The following IGFN1 variants were observed in gnomAD, a reference collection of about 807,000 sequenced individuals.
IGFN1 encodes the protein immunoglobulin-like and fibronectin type III domain-containing protein 1.
In IGFN1, 253 loss-of-function variants were observed where a neutral mutation model predicts 289.5. The ratio of observed to expected loss-of-function variants is 0.87; its 90% CI spans 0.79 to 0.97. The LOEUF (loss-of-function observed/expected upper bound fraction) is 0.97, where lower values mean the gene tolerates loss of function less well. IGFN1 is among the 50% of genes least tolerant of loss of function. The pLI, the probability that IGFN1 is intolerant of heterozygous loss-of-function variation, is 0.00. For missense variants in IGFN1, 4,470 were observed against 4,686.1 expected, an observed-to-expected ratio of 0.95 and a Z score of 1.35; for synonymous variants, 1,706 against 1,788.5, an observed-to-expected ratio of 0.95 and a Z score of 1.16.
intron 7 of IGFN1, 111 bp from the exon 8 acceptor site, chr1:201,200,126 C>T (rs1014692027): frequency 3.0e-5 from 25 of 832,060 alleles, no homozygotes; most frequent in Non-Finnish European, 4.3e-5. Flanking sequence ...TCTGCGTTTC[C>T]TCGAGTGCAG....
At chr1:201,226,185 G>A (rs997036439) in intron 22 of IGFN1, 62 bp downstream of exon 22, 101 of 1,469,344 alleles carry the variant, frequency 6.9e-5, no homozygotes, top group Non-Finnish European at 8.8e-5. Flanking sequence ...AATGCAGTGG[G>A]ATGCACCCAA....
chr1:201,207,685 G>A lies in IGFN1; in HGVS notation c.2792G>A (p.Arg931Lys), dbSNP rs1455058379. 3.1e-5 allele frequency: 48 copies of A among 1,537,004 alleles called. No homozygotes were observed. The highest frequency in any genetic ancestry group is 7.8e-5 in the Admixed American group (4 of 50,982). ...PDFWNGSGSS[R>K]VKGPRGETGY... is the part of the protein sequence containing the mutation. ...TTCTGGAATGGGTCAGGGAGCTCCA[G>A]AGTAAAAGGACCCAGAGGTGAGACA... The change falls in exon 12 of 24, where the codon AGA (arginine) becomes AAA (lysine). Residue 931 changes from arginine (R) to lysine (K), a missense_variant. Physicochemically the swap from Arg to Lys is conservative, Grantham distance 26 (BLOSUM62 2). Coordinates refer to ENST00000335211, the MANE Select transcript of IGFN1 (RefSeq NM_001164586.2).
In IGFN1 at chr1:201,212,604, G is replaced by A. The variant is rs759044374; in HGVS notation, c.7711G>A (p.Gly2571Arg). 3.9e-6 allele frequency: 6 copies of A among 1,546,592 alleles called. No individual in the cohort carries two copies. The Admixed American group carries it at 7.9e-5, about 20-fold the overall frequency. The stretch of plus-strand genomic sequence containing the variant: ...CAGGGGTAGAGTTGCTGGCCAGGGG[G>A]GGTTGGCATCTCAGGGAGGTGGGGA... The part of the protein sequence containing the change: ...TDRGRVAGQG[G>R]LASQGGGDSL... The change falls in exon 12 of 24, where the codon GGG becomes AGG. Residue 2571 changes from glycine to arginine, a missense_variant. By Grantham distance (125) the Gly-to-Arg change is moderately radical. Transcript: ENST00000335211.
chr1:201,221,093 C>G (rs1653691346), intron 18 of IGFN1, among the ~76,000 whole-genome samples: 1 of 152,176 alleles, frequency 6.6e-6, no homozygotes, highest in African/African-American at 2.4e-5. Flanking sequence ...ACATGGAAGT[C>G]TAGTCATACG....
rs1176967323 is a variant in IGFN1, at chr1:201,200,366, C to T, written c.588C>T (p.Arg196=). 6.4e-7 allele frequency: 1 copy of T among 1,551,782 alleles called. No homozygotes were observed. The highest frequency in any genetic ancestry group is 8.7e-7 in the Non-Finnish European group (1 of 1,146,998). ...TCGTCGACTACCGTGGCATGTTGCG[C>T]AGGCTGCAGGAGATGAAGAAGGAAC... ...YGIVDYRGML[R]RLQEMKKEQE... The change falls in exon 8 of 24, where the codon CGC becomes CGT. Residue 196 remains arginine (R), a synonymous_variant. Transcript: ENST00000335211.
chr1:201,217,569 G>C (rs758295586), intron 17 of IGFN1, 109 bp downstream of exon 17: 14 of 1,090,044 alleles, frequency 1.3e-5, no homozygotes, highest in Non-Finnish European at 1.9e-5. Flanking sequence ...GTCTAGGGTG[G>C]TTTGGCAACG....
At chr1:201,202,211 GA>G (rs1364821054) in intron 9 of IGFN1, among the ~76,000 whole-genome samples, 1 of 152,180 alleles carries the variant, frequency 6.6e-6, no homozygotes, top group African/African-American at 2.4e-5. Flanking sequence ...CTGCCAACCA[GA>G]TGGGGGCAGA....
chr1:201,217,183 A>G, intron 16 of IGFN1, 104 bp from the exon 17 acceptor site: 1 of 979,612 alleles, frequency 1.0e-6, no homozygotes, highest in Non-Finnish European at 1.6e-6. Context: ...GACAGGGCGG[A>G]GTGTGGCCTG....
At chr1:201,197,470 C>T (rs12759657) in intron 5 of IGFN1, among the ~76,000 whole-genome samples, 153 bp downstream of exon 5, 37,223 of 152,192 alleles carry the variant, frequency 0.24, 6,097 homozygotes, top group Non-Finnish European at 0.37. Flanking sequence ...TGCTGGGCCC[C>T]GGGCTTCATC....
chr1:201,209,038 T>C lies in IGFN1; in HGVS notation c.4145T>C (p.Leu1382Ser). The change falls in exon 12 of 24, where the codon TTG becomes TCG. Residue 1382 changes from leucine (L) to serine (S), a missense_variant. Physicochemically the swap from Leu to Ser is moderately radical, Grantham distance 145 (BLOSUM62 -2). This residue lies in a region of IGFN1 where 2,011 missense variants were observed against 1,953.4 expected (regional missense o/e 1.03). Transcript: ENST00000335211. ...SMDETDNRKD[L>S]GVPEGMGAGY... ...GATGAAACAGATAATAGGAAAGATT[T>C]GGGGGTTCCTGAGGGAATGGGTGCA... The C allele has an allele frequency of 6.5e-7, 1 of 1,536,022 alleles. No individual in the cohort carries two copies. Among genetic ancestry groups the C allele is most frequent in the Middle Eastern group, 1.7e-4 (1 of 5,982 alleles).
In IGFN1 at chr1:201,208,002, G is replaced by C; in HGVS notation, c.3109G>C (p.Ala1037Pro). The C allele has an allele frequency of 1.3e-6, 2 of 1,536,906 alleles. No homozygotes were observed. ...GPAGGGSGRV[A>P]SLKNGSGGPD... ...TGCAGGAGGAGGGTCTGGGAGAGTT[G>C]CCAGTCTTAAAAATGGCTCAGGTGG... Residue 1037 changes from alanine to proline, a missense_variant, in exon 12 of 24, where the codon GCC becomes CCC. Physicochemically the swap from Ala to Pro is conservative, Grantham distance 27 (BLOSUM62 -1). Coordinates refer to ENST00000335211, the MANE Select transcript of IGFN1 (RefSeq NM_001164586.2).
rs760896508 is a variant in IGFN1 at position 201,192,689 on chromosome 1, C to T, written c.-47-558C>T. 3.5e-4 allele frequency among the ~76,000 whole-genome samples: 53 copies of T among 152,098 alleles called. 1 individual carries two copies. Among genetic ancestry groups the T allele is most frequent in the Admixed American group, 3.9e-4 (6 of 15,268 alleles). ...CTGGAAGGATTCTAGATTGGTGGAG[C>T]GTGGGAAGTAGAGGGCTTCAGTGTC... is the stretch of plus-strand genomic sequence containing the variant. On this transcript the variant is annotated intron_variant, in intron 1 of 23. Transcript: ENST00000335211.
intron 12 of IGFN1, 130 bp downstream of exon 12, chr1:201,213,751 A>C: frequency 1.4e-6 from 1 of 736,122 alleles, no homozygotes; most frequent in Non-Finnish European, 2.2e-6. Flanking sequence ...AGTGCTCCCC[A>C]TTCTCAGGAA....
chr1:201,206,412 C>G lies in IGFN1; in HGVS notation c.1519C>G (p.Gln507Glu). Reference protein sequence around the residue: ...GSRATLPRENQSHREGGWARS... With the variant: ...GSRATLPRENESHREGGWARS... ...CAGAGCCACTCTTCCCAGGGAAAAT[C>G]AATCCCACAGAGAGGGAGGCTGGGC... The change falls in exon 12 of 24, where the codon CAA becomes GAA. Residue 507 changes from glutamine (Q) to glutamate (E), a missense_variant. Coordinates refer to ENST00000335211, the MANE Select transcript of IGFN1 (RefSeq NM_001164586.2). 6.4e-7 allele frequency: 1 copy of G among 1,550,958 alleles called. No homozygotes were observed. Among genetic ancestry groups the G allele is most frequent in the African/African-American group, 1.4e-5 (1 of 73,172 alleles).
rs1276774225 is a variant in IGFN1, at chr1:201,210,879, G to A, written c.5986G>A (p.Ala1996Thr). The A allele has an allele frequency of 6.5e-6, 10 of 1,531,492 alleles. No homozygotes were observed. In the African/African-American group the frequency reaches 1.2e-4, roughly 19 times the overall value. The allele number at this position is 1,531,492 out of a possible 1,614,324, so 94.9% of individuals were successfully genotyped here. Residue 1996 changes from alanine to threonine, a missense_variant, in exon 12 of 24, where the codon GCA becomes ACA. Physicochemically the swap from Ala to Thr is moderately conservative, Grantham distance 58 (BLOSUM62 0). Around this residue, in one of 8 missense-constraint regions of IGFN1, gnomAD observed 108 missense variants for 128.7 expected, o/e 0.84. Coordinates refer to ENST00000335211, the MANE Select transcript of IGFN1 (RefSeq NM_001164586.2). ...GSEEMGSMDE[A>T]GYRKDLGAPE... ...TGAGGAAATGGGGTCAATGGATGAG[G>A]CAGGTTATAGGAAGGATTTGGGGGC...
intron 18 of IGFN1, among the ~76,000 whole-genome samples, chr1:201,220,046 T>C (rs1477084196): frequency 9.0e-6 from 1 of 111,028 alleles, no homozygotes; most frequent in Non-Finnish European, 1.8e-5. Context: ...GTCTTCTTTC[T>C]TTCTCTTTCT....
rs548547917 is a variant in IGFN1 at position 201,209,266 on chromosome 1, C to A, written c.4373C>A (p.Ala1458Glu). Residue 1458 changes from alanine (A) to glutamate (E), a missense_variant, in exon 12 of 24, where the codon GCA (alanine) becomes GAA (glutamate). By Grantham distance (107) the Ala-to-Glu change is moderately radical. Coordinates refer to ENST00000335211, the MANE Select transcript of IGFN1 (RefSeq NM_001164586.2). ...GGAGAAATGAGGTCAATGGATGAGG[C>A]AGGTTATAGGAAAAATTTGGGAGCT... The part of the protein sequence containing the change: ...GSGEMRSMDE[A>E]GYRKNLGAPE... 8.1e-6 allele frequency: 12 copies of A among 1,484,834 alleles called. No homozygotes were observed. Among genetic ancestry groups the A allele is most frequent in the Non-Finnish European group, 9.7e-6 (11 of 1,128,580 alleles). The allele number at this position is 1,484,834 out of a possible 1,614,324, so 92.0% of individuals were successfully genotyped here.
chr1:201,215,287 G>A, intron 14 of IGFN1, 133 bp downstream of exon 14: 1 of 1,112,262 alleles, frequency 9.0e-7, no homozygotes, highest in Non-Finnish European at 1.3e-6. Context: ...CCCCAGAGAA[G>A]ATGATTTAAA....
chr1:201,205,462 G>A, intron 11 of IGFN1, 108 bp downstream of exon 11: 1 of 1,243,474 alleles, frequency 8.0e-7, no homozygotes, highest in South Asian at 1.6e-5. Context: ...GAGAGAATAA[G>A]GAAAGCTCCT....
Sources: gnomAD v4.1 joint callset for allele counts (sites outside exome capture counted in the v4.1 genomes callset) on GRCh38, gnomAD v4.1.1 for gene constraint, gnomAD v4.1.1 regional missense constraint, MANE v1.5 for transcripts, NCBI Gene and HGNC (gene_info 2026-07-23, HGNC 2026-07-21) for gene names.